Variants in MFSD11 observed in about 807,000 individuals in gnomAD.
The protein encoded by MFSD11 is major facilitator superfamily domain containing 11.
Under a neutral mutation model 53.5 loss-of-function variants are expected in MFSD11, and 36 were observed. The observed-to-expected ratio is 0.67, with a 90% CI of 0.52 to 0.89. The LOEUF (loss-of-function observed/expected upper bound fraction) is 0.89, where lower values mean the gene tolerates loss of function less well. Ranked by LOEUF, MFSD11 falls within the 40% of genes least tolerant of loss-of-function variation. The pLI is 0.00. For synonymous variants in MFSD11, 186 were observed against 184.9 expected (o/e 1.01, Z -0.05); for missense variants, 530 against 543.9 (o/e 0.97, Z 0.25).
At chr17:76,746,796 T>C (rs2078584402) in intron 7 of MFSD11, among the ~76,000 whole-genome samples, 1 of 152,206 alleles carries the variant, frequency 6.6e-6, no homozygotes, top group African/African-American at 2.4e-5. Context: ...TTACTGCTTA[T>C]TGACAATGTA....
At chr17:76,791,572 G>A in the MFSD11 span, among the ~76,000 whole-genome samples, 1 of 148,844 alleles carries the variant, frequency 6.7e-6, no homozygotes, top group Non-Finnish European at 1.5e-5. Flanking sequence ...TGGTTGGCGC[G>A]CTGGGGAGGT....
At chr17:76,795,102 T>A in the MFSD11 span, among the ~76,000 whole-genome samples, 6 of 152,090 alleles carry the variant, frequency 3.9e-5, no homozygotes, top group Non-Finnish European at 8.8e-5. Context: ...GTACTGAACA[T>A]GTGCAGACTT....
At chr17:76,774,304 G>T (rs2081624112) in intron 10 of MFSD11, among the ~76,000 whole-genome samples, 1 of 151,726 alleles carries the variant, frequency 6.6e-6, no homozygotes, top group South Asian at 2.1e-4. Flanking sequence ...GCTGAGGCTG[G>T]TTTGGAACTC....
intron 8 of MFSD11, among the ~76,000 whole-genome samples, chr17:76,763,812 C>T (rs572152064): frequency 1.0e-4 from 15 of 150,492 alleles, no homozygotes; most frequent in South Asian, 2.1e-4. Flanking sequence ...CCAACTTTAT[C>T]GAGGTATAAC....
chr17:76,765,348 C>T (rs1223948082), intron 8 of MFSD11, among the ~76,000 whole-genome samples: 1 of 151,588 alleles, frequency 6.6e-6, no homozygotes, highest in East Asian at 1.9e-4. Context: ...TATGCCAGTA[C>T]CATGCTGTGT....
At chr17:76,742,331 A>AT in intron 5 of MFSD11, 58 bp downstream of exon 5, 1 of 1,414,098 alleles carries the variant, frequency 7.1e-7, no homozygotes, top group South Asian at 1.2e-5. Context: ...CTGTCATACC[A>AT]TTTTTTAGGT....
At chr17:76,787,104 A>G in the MFSD11 span, among the ~76,000 whole-genome samples, 1 of 150,468 alleles carries the variant, frequency 6.6e-6, no homozygotes, top group Non-Finnish European at 1.5e-5. Flanking sequence ...AGAAACAGAT[A>G]TCAAAGGATA....
intron 5 of MFSD11, 86 bp from the exon 6 acceptor site, chr17:76,743,312 A>G: frequency 1.1e-6 from 1 of 905,196 alleles, no homozygotes; most frequent in South Asian, 1.7e-5. Context: ...CCTCTCTTAC[A>G]ACAAATAATG....
the MFSD11 span, among the ~76,000 whole-genome samples, chr17:76,800,731 T>C: frequency 7.2e-5 from 11 of 152,178 alleles, no homozygotes; most frequent in Non-Finnish European, 1.6e-4. Context: ...TGTGTTTCTA[T>C]GTTTCAGTGT....
At chr17:76,743,976 T>C (rs1356046536) in intron 6 of MFSD11, among the ~76,000 whole-genome samples, 1 of 152,146 alleles carries the variant, frequency 6.6e-6, no homozygotes, top group Non-Finnish European at 1.5e-5. Flanking sequence ...CTTCTCAGGG[T>C]CTAAGGGAAG....
chr17:76,767,443 C>G lies in MFSD11; in HGVS notation c.740C>G (p.Ala247Gly). 6.3e-7 allele frequency: 1 copy of G among 1,586,324 alleles called. No homozygotes were observed. Residue 247 changes from alanine (A) to glycine (G), a missense_variant, in exon 9 of 13, where the codon GCT (alanine) becomes GGT (glycine). Ala to Gly is a moderately conservative substitution (Grantham distance 60). Transcript: ENST00000685175. The part of the protein sequence containing the change: ...KEMLLLSITT[A>G]YTGLELTFFS... ...ATGCTCCTTCTTAGTATTACAACTG[C>G]TTATACAGGTAATGGAATTACTGTT... is the stretch of plus-strand genomic sequence containing the variant.
At chr17:76,772,406 A>C (rs1394430081) in intron 10 of MFSD11, among the ~76,000 whole-genome samples, 1 of 152,136 alleles carries the variant, frequency 6.6e-6, no homozygotes, top group Non-Finnish European at 1.5e-5. Flanking sequence ...TCTCAAAAAA[A>C]CCAAAAAACC....
intron 3 of MFSD11, 54 bp downstream of exon 3, chr17:76,741,118 A>G (rs1256326353): frequency 3.7e-6 from 4 of 1,074,620 alleles, no homozygotes; most frequent in Admixed American, 1.7e-5. Context: ...AGGATCTTTC[A>G]AGTAGATAGT....
At chr17:76,762,278 A>G (rs1470650803) in intron 8 of MFSD11, among the ~76,000 whole-genome samples, 1 of 152,192 alleles carries the variant, frequency 6.6e-6, no homozygotes, top group African/African-American at 2.4e-5. Context: ...GTCACAATAT[A>G]TTATAAAATT....
chr17:76,755,926 C>T (rs530616653), intron 8 of MFSD11, among the ~76,000 whole-genome samples: 71 of 142,568 alleles, frequency 5.0e-4, no homozygotes, highest in South Asian at 4.8e-3. Flanking sequence ...TGGGTTCAAG[C>T]GATTCTCCTG....
At chr17:76,800,295 T>C in the MFSD11 span, among the ~76,000 whole-genome samples, 4 of 152,156 alleles carry the variant, frequency 2.6e-5, no homozygotes, top group East Asian at 7.7e-4. Flanking sequence ...ACTAAGTATC[T>C]GGCTAAAAGG....
At position 76,744,464 on chromosome 17, in the gene MFSD11, C is replaced by T. The variant is rs150713383; in HGVS notation, c.639C>T (p.Asn213=). The change falls in exon 7 of 13, where the codon AAC becomes AAT. Residue 213 remains asparagine, a splice_region_variant and synonymous_variant. Transcript: ENST00000685175. ...ESSDDQDMEV[N]ESAQNNLTKA... is the part of the protein sequence containing the mutation. The stretch of plus-strand genomic sequence containing the variant: ...CTGATGACCAGGACATGGAAGTCAA[C>T]GAGTAAGATGTTGGAAACATTCTAT... 9.3e-6 allele frequency: 15 copies of T among 1,606,104 alleles called. No individual in the cohort carries two copies. In the African/African-American group the frequency reaches 9.4e-5, roughly 10 times the overall value.
chr17:76,753,986 G>T (rs746133920), intron 7 of MFSD11, 61 bp from the exon 8 acceptor site: 203 of 1,365,796 alleles, frequency 1.5e-4, no homozygotes, highest in Non-Finnish European at 1.9e-4. Flanking sequence ...AAATGTGATC[G>T]TATGTTTGTT....
downstream of MFSD11, among the ~76,000 whole-genome samples, chr17:76,779,541 G>A (rs2082099074): frequency 6.6e-6 from 1 of 152,168 alleles, no homozygotes; most frequent in South Asian, 2.1e-4. Flanking sequence ...CTAGAGTGCA[G>A]TGGCGTGATC....
Sources: gnomAD v4.1 joint callset for allele counts (sites outside exome capture counted in the v4.1 genomes callset) on GRCh38, gnomAD v4.1.1 for gene constraint, MANE v1.5 for transcripts, NCBI Gene and HGNC (gene_info 2026-07-23, HGNC 2026-07-21) for gene names.